The following HSD17B2 variants were observed in gnomAD, a reference collection of about 807,000 sequenced individuals.
The protein encoded by HSD17B2 is hydroxysteroid 17-beta dehydrogenase 2.
Under a neutral mutation model 26.9 loss-of-function variants are expected in HSD17B2, and 32 were observed. The ratio of observed to expected loss-of-function variants is 1.19; its 90% CI spans 0.90 to 1.60. HSD17B2 has a LOEUF of 1.60. Ranked by LOEUF, HSD17B2 falls within the 40% of genes most tolerant of loss-of-function variation. The pLI, the probability that HSD17B2 is intolerant of heterozygous loss-of-function variation, is 0.00. For missense variants in HSD17B2, 613 were observed against 468.6 expected, an observed-to-expected ratio of 1.31 and a Z score of -2.85; for synonymous variants, 246 against 186.7, an observed-to-expected ratio of 1.32 and a Z score of -2.59.
At chr16:82,078,317 A>T (rs998806852) in intron 3 of HSD17B2, among the ~76,000 whole-genome samples, 1 of 152,248 alleles carries the variant, frequency 6.6e-6, no homozygotes, top group Non-Finnish European at 1.5e-5. Context: ...GAGAAATGCA[A>T]ATCAAAACTA....
rs1471752983 is a variant in HSD17B2, at chr16:82,035,590, T to A, written c.166T>A (p.Trp56Arg). Residue 56 changes from tryptophan (W) to arginine (R), a missense_variant, in exon 1 of 5, where the codon TGG (tryptophan) becomes AGG (arginine). Trp to Arg is a moderately radical substitution (Grantham distance 101). Transcript: ENST00000199936. ...AVCLLILSPF[W>R]GLILFSVSCF... is the part of the protein sequence containing the mutation. ...CTGCCTGCTCATCCTGTCCCCTTTTTGGGGCTTGATCCTCTTCTCGGTGTC... is the reference window on the plus strand; with the variant it reads ...CTGCCTGCTCATCCTGTCCCCTTTTAGGGGCTTGATCCTCTTCTCGGTGTC... The A allele has an allele frequency of 6.2e-7, 1 of 1,613,908 alleles. No homozygotes were observed. Among genetic ancestry groups the A allele is most frequent in the African/African-American group, 1.3e-5 (1 of 74,918 alleles).
intron 4 of HSD17B2, chr16:82,095,291 T>G (rs1180390679): frequency 6.6e-6 from 1 of 152,222 alleles, no homozygotes; most frequent in Non-Finnish European, 1.5e-5. Flanking sequence ...AAGCACGGTG[T>G]GTGCCTTCCT....
chr16:82,090,149 A>G (rs1220582022), intron 3 of HSD17B2: 15 of 823,194 alleles, frequency 1.8e-5, no homozygotes, highest in Admixed American at 6.2e-5. Context: ...ATTGAGCACA[A>G]TCTGTTCGAT....
intron 3 of HSD17B2, among the ~76,000 whole-genome samples, chr16:82,087,089 T>C (rs1383970882): frequency 6.6e-6 from 1 of 152,196 alleles, no homozygotes; most frequent in East Asian, 1.9e-4. Flanking sequence ...GGCTTTGAGA[T>C]AGGAATTTTT....
intron 3 of HSD17B2, among the ~76,000 whole-genome samples, chr16:82,076,561 AC>A (rs1904303460): frequency 1.3e-5 from 2 of 152,226 alleles, no homozygotes; most frequent in Non-Finnish European, 2.9e-5. Flanking sequence ...AAATCAACAT[AC>A]AAAAATCAGT....
At chr16:82,052,563 G>T (rs544872140) in intron 1 of HSD17B2, 6 of 152,220 alleles carry the variant, frequency 3.9e-5, no homozygotes, top group South Asian at 2.1e-4. Flanking sequence ...TCTAGAGAAG[G>T]CTACACCCTG....
rs551081725 is a variant in HSD17B2 at position 82,056,904 on chromosome 16, C to T, written c.266-11266C>T. Among the ~76,000 whole-genome samples the T allele has an allele frequency of 2.6e-5, 4 of 152,264 alleles. No homozygotes were observed. The East Asian group carries it at 5.8e-4, about 22-fold the overall frequency. On this transcript the variant is annotated intron_variant, in intron 1 of 4. Transcript: ENST00000199936. ...AGTGAGGCTGGAAACTTTTTATATT[C>T]TTTCTGAAGCTTGGTTTCCTCACCT... is the stretch of plus-strand genomic sequence containing the variant.
chr16:82,096,618 A>G (rs1441101990), intron 4 of HSD17B2: 1 of 151,982 alleles, frequency 6.6e-6, no homozygotes, highest in African/African-American at 2.4e-5. Flanking sequence ...TATATTATAT[A>G]CAGTATATAT....
intron 1 of HSD17B2, among the ~76,000 whole-genome samples, chr16:82,042,762 T>C (rs1913801325): frequency 6.6e-6 from 1 of 152,014 alleles, no homozygotes. Context: ...GCTGGGATTA[T>C]AGGCACCCAC....
At chr16:82,080,817 C>T (rs1278871330) in intron 3 of HSD17B2, among the ~76,000 whole-genome samples, 2 of 152,208 alleles carry the variant, frequency 1.3e-5, no homozygotes, top group African/African-American at 4.8e-5. Flanking sequence ...GTTGAAGGAA[C>T]GCTTAGCACT....
chr16:82,068,020 C>T, intron 1 of HSD17B2, 150 bp from the exon 2 acceptor site: 1 of 671,726 alleles, frequency 1.5e-6, no homozygotes, highest in Non-Finnish European at 2.5e-6. Flanking sequence ...CCTCCCACCT[C>T]TCCACTTAGA....
intron 4 of HSD17B2, chr16:82,094,810 C>G (rs1272282843): frequency 6.6e-6 from 1 of 152,110 alleles, no homozygotes; most frequent in East Asian, 1.9e-4. Flanking sequence ...ATTTTAAGTG[C>G]TTTATGTGCA....
At chr16:82,072,833 A>T (rs1914727609) in intron 3 of HSD17B2, among the ~76,000 whole-genome samples, 1 of 152,192 alleles carries the variant, frequency 6.6e-6, no homozygotes, top group African/African-American at 2.4e-5. Flanking sequence ...AGGCAGGAGG[A>T]TTACTTCAGC....
rs1288254257 is a variant in HSD17B2 at position 82,088,290 on chromosome 16, G to C, written c.665-2612G>C. Among the ~76,000 whole-genome samples, 3 of 152,154 alleles carry C rather than the reference G, an allele frequency of 2.0e-5. No individual in the cohort carries two copies. In the East Asian group the frequency reaches 5.8e-4, roughly 29 times the overall value. ...GGCTATTGAGATATTATTTTGAAAA[G>C]CCTGAGTAGCACTAATGGTAGAAAG... On this transcript the variant is annotated intron_variant, in intron 3 of 4. Transcript: ENST00000199936.
At chr16:82,079,989 C>T (rs150462194) in intron 3 of HSD17B2, among the ~76,000 whole-genome samples, 54 of 152,142 alleles carry the variant, frequency 3.5e-4, no homozygotes, top group African/African-American at 1.0e-3. Flanking sequence ...AGAAGAAGCA[C>T]GTGGTTGCCC....
Position 82,040,199 on chromosome 16 carries a change from G to C in HSD17B2, c.265+4510G>C, listed in dbSNP as rs560507821. ...GCTCACAAGAAAGTGTCTCACGTGA[G>C]TGATCATCCCTTCTTGCAATTACTG... On this transcript the variant is annotated intron_variant, in intron 1 of 4. Coordinates refer to ENST00000199936, the MANE Select transcript of HSD17B2 (RefSeq NM_002153.3). 4.0e-4 allele frequency among the ~76,000 whole-genome samples: 61 copies of C among 152,300 alleles called. No individual in the cohort carries two copies. The South Asian group carries it at 0.012, about 31-fold the overall frequency.
chr16:82,068,526 G>T, intron 2 of HSD17B2, 144 bp downstream of exon 2: 1 of 660,172 alleles, frequency 1.5e-6, no homozygotes, highest in Non-Finnish European at 2.6e-6. Context: ...TACCATGTGT[G>T]GGGGCCTCTA....
At chr16:82,085,449 A>G (rs1421081887) in intron 3 of HSD17B2, among the ~76,000 whole-genome samples, 1 of 152,204 alleles carries the variant, frequency 6.6e-6, no homozygotes, top group African/African-American at 2.4e-5. Context: ...GCACTCTGTA[A>G]CCCAAGTTTG....
At chr16:82,090,381 G>C (rs1382584427) in intron 3 of HSD17B2, 1 of 152,388 alleles carries the variant, frequency 6.6e-6, no homozygotes, top group East Asian at 2.4e-4. Context: ...GCAGTGGCGT[G>C]ATCCCAGCTC....
Sources: allele counts gnomAD v4.1 joint callset (sites outside exome capture counted in the v4.1 genomes callset), GRCh38; gene constraint gnomAD v4.1.1; transcripts MANE v1.5; gene names NCBI Gene and HGNC (gene_info 2026-07-23, HGNC 2026-07-21).